Variants in TSPAN12 observed in about 807,000 individuals in gnomAD.
TSPAN12 encodes tetraspanin-12.
In TSPAN12, 19 loss-of-function variants were observed where a neutral mutation model predicts 39.2. That is an observed-to-expected ratio of 0.49 (90% CI 0.34 to 0.71). The LOEUF (loss-of-function observed/expected upper bound fraction) is 0.71. Ranked by LOEUF, TSPAN12 falls within the 30% of genes least tolerant of loss-of-function variation. The pLI is 0.01. For missense variants in TSPAN12, 314 were observed against 359.9 expected (o/e 0.87, Z 1.03); for synonymous variants, 119 against 124.8 (o/e 0.95, Z 0.31).
At chr7:120,802,700 T>C (rs992959427) in intron 7 of TSPAN12, among the ~76,000 whole-genome samples, 7 of 152,200 alleles carry the variant, frequency 4.6e-5, no homozygotes, top group African/African-American at 1.7e-4. Context: ...GTGAATGTGA[T>C]AGATCCAAAC....
intron 7 of TSPAN12, among the ~76,000 whole-genome samples, chr7:120,799,180 T>A (rs1270944924): frequency 6.6e-6 from 1 of 151,864 alleles, no homozygotes; most frequent in Non-Finnish European, 1.5e-5. Context: ...AATTTTTTGT[T>A]TCAAGTGTGG....
At position 120,848,634 on chromosome 7, in the gene TSPAN12, TG is replaced by T. The variant is rs534720650; in HGVS notation, c.66+8063del. The stretch of plus-strand genomic sequence containing the variant: ...AACTTTGCACTATACTCTGTCCCAA[TG>T]TTTTTTTTCACAGGAGTATACCCAA... On this transcript the variant is annotated intron_variant, in intron 2 of 7. Coordinates refer to ENST00000222747, the MANE Select transcript of TSPAN12 (RefSeq NM_012338.4). 8.5e-5 allele frequency among the ~76,000 whole-genome samples: 13 copies of T among 152,346 alleles called. 1 individual carries two copies. In the South Asian group the frequency reaches 2.5e-3, roughly 29 times the overall value.
intron 4 of TSPAN12, among the ~76,000 whole-genome samples, chr7:120,816,479 C>A (rs1020334355): frequency 1.3e-5 from 2 of 151,572 alleles, no homozygotes; most frequent in Non-Finnish European, 2.9e-5. Context: ...AGGATTGGAA[C>A]AAAGAAGAGA....
At chr7:120,828,023 T>G (rs545090789) in intron 4 of TSPAN12, among the ~76,000 whole-genome samples, 1 of 152,306 alleles carries the variant, frequency 6.6e-6, no homozygotes, top group East Asian at 1.9e-4. Flanking sequence ...ACATCTAGAT[T>G]AATAGAATTT....
chr7:120,813,599 T>A (rs1023620847), intron 5 of TSPAN12, among the ~76,000 whole-genome samples: 3 of 152,210 alleles, frequency 2.0e-5, no homozygotes, highest in African/African-American at 7.2e-5. Flanking sequence ...TATACTCTAA[T>A]GCCCATGTTT....
At chr7:120,806,127 A>C (rs529110637) in intron 7 of TSPAN12, among the ~76,000 whole-genome samples, 12 of 151,956 alleles carry the variant, frequency 7.9e-5, no homozygotes, top group Admixed American at 2.0e-4. Context: ...TTTTCTTTGG[A>C]GAGGTTCTTT....
intron 4 of TSPAN12, among the ~76,000 whole-genome samples, chr7:120,827,617 GA>G (rs1794314035): frequency 6.6e-6 from 1 of 152,172 alleles, no homozygotes; most frequent in South Asian, 2.1e-4. Context: ...TAATTGTAAA[GA>G]AATGCACTTT....
At position 120,806,614 on chromosome 7, in the gene TSPAN12, C is replaced by T. The variant is rs771135954; in HGVS notation, c.547G>A (p.Val183Ile). 9.3e-6 allele frequency: 15 copies of T among 1,613,466 alleles called. No individual in the cohort carries two copies. Among genetic ancestry groups the T allele is most frequent in the Non-Finnish European group, 1.2e-5 (14 of 1,179,672 alleles). The change falls in exon 7 of 8, where the codon GTT (valine) becomes ATT (isoleucine). Residue 183 changes from valine (V) to isoleucine (I), a missense_variant. Physicochemically the swap from Val to Ile is conservative, Grantham distance 29. Transcript: ENST00000222747. ...TTGGAACATCCTGGGAATTCTCTAA[C>T]ACAGCAGGAATCTGGGGGCCAGTCC... is the stretch of plus-strand genomic sequence containing the variant. ...EMDWPPDSCCVREFPGCSKQA... is the reference protein window; with the variant it reads ...EMDWPPDSCCIREFPGCSKQA...
At chr7:120,836,840 C>A (rs1472688175) in intron 4 of TSPAN12, among the ~76,000 whole-genome samples, 1 of 152,142 alleles carries the variant, frequency 6.6e-6, no homozygotes, top group African/African-American at 2.4e-5. Flanking sequence ...TGTTGTTTGT[C>A]AATTTGCATT....
intron 7 of TSPAN12, among the ~76,000 whole-genome samples, chr7:120,799,835 A>G (rs1393882829): frequency 7.2e-6 from 1 of 139,090 alleles, no homozygotes; most frequent in Non-Finnish European, 1.5e-5. Flanking sequence ...TATTAATTAT[A>G]TTAATATTTA....
intron 5 of TSPAN12, among the ~76,000 whole-genome samples, chr7:120,813,793 G>A (rs748013172): frequency 1.3e-5 from 2 of 152,160 alleles, no homozygotes; most frequent in Non-Finnish European, 2.9e-5. Flanking sequence ...CTCTTGACCA[G>A]TAAACCACAG....
At chr7:120,811,939 T>C (rs1325675760) in intron 5 of TSPAN12, among the ~76,000 whole-genome samples, 2 of 152,028 alleles carry the variant, frequency 1.3e-5, no homozygotes, top group African/African-American at 4.8e-5. Context: ...AGACTACACA[T>C]TGGGTACAGT....
At chr7:120,788,953 A>T (rs1303630719) in intron 7 of TSPAN12, 56 bp from the exon 8 acceptor site, 2 of 1,572,936 alleles carry the variant, frequency 1.3e-6, no homozygotes, top group African/African-American at 2.7e-5. Flanking sequence ...AAGGCCAAAA[A>T]TAGTTAATGA....
Position 120,787,858 on chromosome 7 carries a change from C to A in TSPAN12, c.*734G>T, listed in dbSNP as rs1044719790. The A allele has an allele frequency of 2.0e-5, 3 of 152,458 alleles. No homozygotes were observed. The highest frequency in any genetic ancestry group is 3.8e-4 in the East Asian group (2 of 5,198). The allele number at this position is 152,458 out of a possible 1,614,324, so 9.4% of individuals were successfully genotyped here. ...TTATATGTGTAATATAAGCCCAGGA[C>A]AGAATAGTAAAGCTTTATTAACAGG... On this transcript the variant is annotated 3_prime_UTR_variant, in exon 8 of 8. Transcript: ENST00000222747.
At chr7:120,837,000 A>G (rs1238996557) in intron 4 of TSPAN12, among the ~76,000 whole-genome samples, 1 of 152,144 alleles carries the variant, frequency 6.6e-6, no homozygotes, top group African/African-American at 2.4e-5. Context: ...AAAAGTTGGG[A>G]GGAGGGAGGA....
chr7:120,796,766 G>T (rs1793639774), intron 7 of TSPAN12, among the ~76,000 whole-genome samples: 1 of 152,116 alleles, frequency 6.6e-6, no homozygotes, highest in African/African-American at 2.4e-5. Context: ...ATTGCCTCAT[G>T]TACACTGATG....
Position 120,815,787 on chromosome 7 carries a change from A to AG in TSPAN12, c.301dup (p.Leu101ProfsTer16), listed in dbSNP as rs1407226293. On this transcript the variant is annotated frameshift_variant, in exon 5 of 8. Transcript: ENST00000222747. LOFTEE classifies it high-confidence loss of function. The stretch of plus-strand genomic sequence containing the variant: ...AGCCAGTTCTACACAGAAAATGACA[A>AG]GCAAACTTCCAAAGTACTGTAGAAA... 2 of 1,612,968 alleles carry AG rather than the reference A, an allele frequency of 1.2e-6. No individual in the cohort carries two copies. The highest frequency in any genetic ancestry group is 3.3e-5 in the Admixed American group (2 of 59,930).
chr7:120,830,898 A>G (rs1299094811), intron 4 of TSPAN12, among the ~76,000 whole-genome samples: 1 of 152,162 alleles, frequency 6.6e-6, no homozygotes, highest in Non-Finnish European at 1.5e-5. Flanking sequence ...GTATCTGTTA[A>G]GGGACTAATA....
At chr7:120,793,877 G>A (rs973616753) in intron 7 of TSPAN12, among the ~76,000 whole-genome samples, 1 of 152,106 alleles carries the variant, frequency 6.6e-6, no homozygotes, top group Non-Finnish European at 1.5e-5. Context: ...ATTTTTTCTC[G>A]ATAAAGTAGT....
Sources: gnomAD v4.1 joint callset for allele counts (sites outside exome capture counted in the v4.1 genomes callset) on GRCh38, gnomAD v4.1.1 for gene constraint, MANE v1.5 for transcripts, NCBI Gene and HGNC (gene_info 2026-07-23, HGNC 2026-07-21) for gene names.